Variants in HTR3A observed in about 807,000 individuals in gnomAD.
HTR3A encodes the protein 5-hydroxytryptamine (serotonin) receptor 3A, ionotropic.
A neutral mutation model predicts 54.8 loss-of-function variants in HTR3A; 45 were observed. The observed-to-expected ratio is 0.82, with a 90% CI of 0.65 to 1.05. The LOEUF is 1.05. Among genes scored for constraint, HTR3A ranks in the 50% least tolerant of loss-of-function variants. The pLI is 0.00. For missense variants in HTR3A, 657 were observed against 614.0 expected (o/e 1.07, Z -0.74); for synonymous variants, 297 against 256.0 (o/e 1.16, Z -1.53).
chr11:113,985,289 T>C (rs2137581927), intron 5 of HTR3A, among the ~76,000 whole-genome samples: 1 of 152,344 alleles, frequency 6.6e-6, no homozygotes, highest in South Asian at 2.1e-4. Flanking sequence ...ACATTAGGTC[T>C]TGGACATTTT....
chr11:113,977,781 C>T lies in HTR3A; in HGVS notation c.78C>T (p.Ser26=). The change falls in exon 2 of 9, where the codon AGC becomes AGT. Residue 26 remains serine (S), a synonymous_variant. Transcript: ENST00000504030. ...TGTTCTCCTTCCCAGCCAGGAGGAG[C>T]CGAAACACCACCAGGCCCGCTCTGC... ...TLLAQGEARR[S]RNTTRPALLR... 1 of 1,614,102 alleles carries T rather than the reference C, an allele frequency of 6.2e-7. No individual in the cohort carries two copies. Among genetic ancestry groups the T allele is most frequent in the Non-Finnish European group, 8.5e-7 (1 of 1,180,026 alleles).
At position 113,987,041 on chromosome 11, in the gene HTR3A, G is replaced by T. The variant is rs747680669; in HGVS notation, c.1133G>T (p.Cys378Phe). 1 of 1,613,338 alleles carries T rather than the reference G, an allele frequency of 6.2e-7. No homozygotes were observed. ...TCCCAAGCCACCAAGACTGATGACT[G>T]CTCAGGTGAGAAACAGAAGGGAAGA... ...ATSQATKTDD[C>F]SAMGNHCSHM... The change falls in exon 8 of 9, where the codon TGC becomes TTC. Residue 378 changes from cysteine (C) to phenylalanine (F), a missense_variant. Coordinates refer to ENST00000504030, the MANE Select transcript of HTR3A (RefSeq NM_000869.6).
Position 113,983,119 on chromosome 11 carries a change from G to C in HTR3A, c.375-1G>C. On this transcript the variant is annotated splice_acceptor_variant, in intron 4 of 8. Transcript: ENST00000504030. LOFTEE classifies it high-confidence loss of function. The stretch of plus-strand genomic sequence containing the variant: ...CAAACTAACCCCTTTTCCCCCGCCA[G>C]CGTGGATGTGGGGAAGTCTCCAAAT... 1 of 1,614,192 alleles carries C rather than the reference G, an allele frequency of 6.2e-7. No individual in the cohort carries two copies. Among genetic ancestry groups the C allele is most frequent in the Non-Finnish European group, 8.5e-7 (1 of 1,180,008 alleles).
At chr11:113,984,998 A>T (rs1483678677) in intron 5 of HTR3A, among the ~76,000 whole-genome samples, 2 of 152,278 alleles carry the variant, frequency 1.3e-5, no homozygotes, top group East Asian at 3.9e-4. Context: ...TATGACGGTG[A>T]TGCATGACTG....
intron 5 of HTR3A, among the ~76,000 whole-genome samples, chr11:113,984,674 T>A (rs1950467714): frequency 6.6e-6 from 1 of 152,148 alleles, no homozygotes; most frequent in Non-Finnish European, 1.5e-5. Flanking sequence ...ATCCCAGCAC[T>A]TTGGGAGGCG....
Position 113,986,910 on chromosome 11 carries a change from C to T in HTR3A, c.1002C>T (p.Asp334=), listed in dbSNP as rs779800690. Residue 334 remains aspartate, a synonymous_variant, in exon 8 of 9, where the codon GAC becomes GAT. Transcript: ENST00000504030. ...TTGTGCGGCTGGTGCACAAGCAAGA[C>T]CTGCAGCAGCCCGTGCCTGCTTGGC... ...IFIVRLVHKQ[D]LQQPVPAWLR... The T allele has an allele frequency of 1.2e-6, 2 of 1,614,128 alleles. No homozygotes were observed. Among genetic ancestry groups the T allele is most frequent in the South Asian group, 1.1e-5 (1 of 91,076 alleles).
chr11:113,986,859 G>A lies in HTR3A; in HGVS notation c.951G>A (p.Val317=). ...TTGTGGTGTGCATGGCTCTGCTGGT[G>A]ATAAGTTTGGCCGAGACCATCTTCA... ...VYFVVCMALL[V]ISLAETIFIV... Residue 317 remains valine (V), a synonymous_variant, in exon 8 of 9, where the codon GTG becomes GTA. Transcript: ENST00000504030. The A allele has an allele frequency of 6.2e-7, 1 of 1,614,166 alleles. No individual in the cohort carries two copies. Among genetic ancestry groups the A allele is most frequent in the Non-Finnish European group, 8.5e-7 (1 of 1,180,044 alleles).
At position 113,975,361 on chromosome 11, in the gene HTR3A, G is replaced by T. The variant is rs781487034; in HGVS notation, c.36G>T (p.Leu12Phe). 11 of 1,613,156 alleles carry T rather than the reference G, an allele frequency of 6.8e-6. No individual in the cohort carries two copies. The highest frequency in any genetic ancestry group is 9.3e-6 in the Non-Finnish European group (11 of 1,179,998). The part of the protein sequence containing the change: ...LLWVQQALLA[L>F]LLPTLLAQGE... Reference sequence around the variant, plus strand: ...GGGTCCAGCAGGCGCTGCTCGCCTTGCTCCTCCCCACACTCCTGGCACAGG... The same window carrying T: ...GGGTCCAGCAGGCGCTGCTCGCCTTTCTCCTCCCCACACTCCTGGCACAGG... Residue 12 changes from leucine (L) to phenylalanine (F), a missense_variant, in exon 1 of 9, where the codon TTG becomes TTT. Coordinates refer to ENST00000504030, the MANE Select transcript of HTR3A (RefSeq NM_000869.6).
chr11:113,984,136 C>G lies in HTR3A; in HGVS notation c.544+847C>G, dbSNP rs1950459650. Among the ~76,000 whole-genome samples, 3 of 152,156 alleles carry G rather than the reference C, an allele frequency of 2.0e-5. No homozygotes were observed. In the South Asian group the frequency reaches 6.2e-4, roughly 32 times the overall value. Reference sequence around the variant, plus strand: ...TTGCCCCACAGCTGCTCCCCCCAACCACACCTAGCCTGGCCAACCCCTCTA... The same window carrying G: ...TTGCCCCACAGCTGCTCCCCCCAACGACACCTAGCCTGGCCAACCCCTCTA... On this transcript the variant is annotated intron_variant, in intron 5 of 8. Coordinates refer to ENST00000504030, the MANE Select transcript of HTR3A (RefSeq NM_000869.6).
intron 2 of HTR3A, 91 bp downstream of exon 2, chr11:113,978,013 G>T: frequency 6.8e-7 from 1 of 1,477,686 alleles, no homozygotes; most frequent in Non-Finnish European, 9.4e-7. Context: ...CAGCTTGTTA[G>T]GCATTTGAGA....
Position 113,975,315 on chromosome 11 carries a change from G to A in HTR3A, c.-11G>A, listed in dbSNP as rs1325847982. Reference sequence around the variant, plus strand: ...GCACTCGGAGGCACTCCTATGCTTGGAAAGCTCGCTATGCTGCTGTGGGTC... The same window carrying A: ...GCACTCGGAGGCACTCCTATGCTTGAAAAGCTCGCTATGCTGCTGTGGGTC... On this transcript the variant is annotated 5_prime_UTR_variant, in exon 1 of 9. Transcript: ENST00000504030. The A allele has an allele frequency of 6.2e-7, 1 of 1,613,428 alleles. No homozygotes were observed. The highest frequency in any genetic ancestry group is 2.2e-5 in the East Asian group (1 of 44,876).
rs1950369826 is a variant in HTR3A at position 113,977,784 on chromosome 11, AAAC to A, written c.83_85del (p.Asn28del). ...TCTCCTTCCCAGCCAGGAGGAGCCG[AAAC>A]ACCACCAGGCCCGCTCTGCTGAGGC... On this transcript the variant is annotated inframe_deletion, in exon 2 of 9. Coordinates refer to ENST00000504030, the MANE Select transcript of HTR3A (RefSeq NM_000869.6). The A allele has an allele frequency of 6.2e-7, 1 of 1,613,968 alleles. No individual in the cohort carries two copies. The highest frequency in any genetic ancestry group is 1.1e-5 in the South Asian group (1 of 91,084).
chr11:113,983,948 T>G (rs1299411801), intron 5 of HTR3A, among the ~76,000 whole-genome samples: 1 of 152,226 alleles, frequency 6.6e-6, no homozygotes, highest in African/African-American at 2.4e-5. Context: ...ATCCACCCTC[T>G]TGAGCTGACT....
intron 8 of HTR3A, among the ~76,000 whole-genome samples, chr11:113,987,502 G>T (rs1158019920): frequency 6.6e-6 from 1 of 152,114 alleles, no homozygotes; most frequent in Non-Finnish European, 1.5e-5. Flanking sequence ...GGAGGCCGAG[G>T]TGGGAGGATC....
In HTR3A at chr11:113,983,151, T is replaced by A; in HGVS notation, c.406T>A (p.Tyr136Asn). Residue 136 changes from tyrosine (Y) to asparagine (N), a missense_variant, in exon 5 of 9, where the codon TAC becomes AAC. By Grantham distance (143) the Tyr-to-Asn change is moderately radical (BLOSUM62 -2). Transcript: ENST00000504030. ...VDVGKSPNIPYVYIRHQGEVQ... is the reference protein window; with the variant it reads ...VDVGKSPNIPNVYIRHQGEVQ... ...TGTGGGGAAGTCTCCAAATATCCCG[T>A]ACGTGTATATTCGGCATCAAGGCGA... 1 of 1,614,208 alleles carries A rather than the reference T, an allele frequency of 6.2e-7. No homozygotes were observed. The highest frequency in any genetic ancestry group is 8.5e-7 in the Non-Finnish European group (1 of 1,180,036).
chr11:113,986,937 G>A lies in HTR3A; in HGVS notation c.1029G>A (p.Leu343=), dbSNP rs368078447. The change falls in exon 8 of 9, where the codon CTG becomes CTA. Residue 343 remains leucine, a synonymous_variant. Coordinates refer to ENST00000504030, the MANE Select transcript of HTR3A (RefSeq NM_000869.6). The stretch of plus-strand genomic sequence containing the variant: ...TGCAGCAGCCCGTGCCTGCTTGGCT[G>A]CGTCACCTGGTTCTGGAGAGAATCG... ...QDLQQPVPAW[L]RHLVLERIAW... The A allele has an allele frequency of 1.7e-5, 28 of 1,614,200 alleles. No individual in the cohort carries two copies. The highest frequency in any genetic ancestry group is 2.3e-5 in the Non-Finnish European group (27 of 1,180,036).
intron 3 of HTR3A, 63 bp from the exon 4 acceptor site, chr11:113,981,140 T>C: frequency 2.0e-6 from 2 of 1,010,656 alleles, no homozygotes; most frequent in Non-Finnish European, 3.2e-6. Flanking sequence ...TCTGCCTGAG[T>C]TGCAGGCGAC....
chr11:113,977,584 A>G lies in HTR3A; in HGVS notation c.68-187A>G, dbSNP rs761663281. The G allele has an allele frequency of 2.4e-5, 37 of 1,533,380 alleles. No individual in the cohort carries two copies. The Admixed American group carries it at 2.9e-4, about 12-fold the overall frequency. The allele number at this position is 1,533,380 out of a possible 1,614,324, so 95.0% of individuals were successfully genotyped here. A position where few individuals can be genotyped will look rare whatever the true frequency, so the allele number is the denominator to read the frequency against. On this transcript the variant is annotated intron_variant, in intron 1 of 8. Coordinates refer to ENST00000504030, the MANE Select transcript of HTR3A (RefSeq NM_000869.6). Reference sequence around the variant, plus strand: ...ATAGGTCCTTTCTACAAGGTAATACATTTGAATTATGGTAGAAATCTCTGC... The same window carrying G: ...ATAGGTCCTTTCTACAAGGTAATACGTTTGAATTATGGTAGAAATCTCTGC...
At chr11:113,975,448 A>C in intron 1 of HTR3A, 56 bp downstream of exon 1, 1 of 1,457,156 alleles carries the variant, frequency 6.9e-7, no homozygotes. Context: ...GAGGTGGGGC[A>C]GGGGATGCTT....
Sources: gnomAD v4.1 joint callset for allele counts (sites outside exome capture counted in the v4.1 genomes callset) on GRCh38, gnomAD v4.1.1 for gene constraint, MANE v1.5 for transcripts, NCBI Gene and HGNC (gene_info 2026-07-23, HGNC 2026-07-21) for gene names.